AP4S1: variants seen among roughly 807,000 people sequenced by gnomAD.
The protein encoded by AP4S1 is adaptor related protein complex 4 subunit sigma 1.
Under a neutral mutation model 19.8 loss-of-function variants are expected in AP4S1, and 23 were observed. The observed-to-expected ratio is 1.16, with a 90% CI of 0.84 to 1.65. The LOEUF is 1.65. AP4S1 is among the 40% of genes most tolerant of loss of function. The probability of loss-of-function intolerance (pLI) is 0.00; values close to 1 mark genes in which losing one functional copy is unlikely to be tolerated. For missense variants in AP4S1, 166 were observed against 172.8 expected (o/e 0.96, Z 0.22); for synonymous variants, 46 against 54.1 (o/e 0.85, Z 0.66).
chr14:31,073,606 A>AT (rs893657912), intron 4 of AP4S1, among the ~76,000 whole-genome samples: 2 of 142,738 alleles, frequency 1.4e-5, no homozygotes, highest in Admixed American at 7.1e-5. Flanking sequence ...TTATTTATTT[A>AT]TTTTTTTATT....
At chr14:31,026,559 A>C in intron 1 of AP4S1, 1 of 180,030 alleles carries the variant, frequency 5.6e-6, no homozygotes. Flanking sequence ...CGCACTGAGA[A>C]CGCAGCCCGG....
chr14:31,052,439 C>T (rs1483695032), intron 1 of AP4S1, among the ~76,000 whole-genome samples: 1 of 151,890 alleles, frequency 6.6e-6, no homozygotes, highest in Non-Finnish European at 1.5e-5. Flanking sequence ...AAGGTAAAAT[C>T]ATTGGCCAAG....
At chr14:31,066,614 G>A (rs1317117031) in intron 2 of AP4S1, among the ~76,000 whole-genome samples, 5 of 152,106 alleles carry the variant, frequency 3.3e-5, no homozygotes, top group Admixed American at 6.6e-5. Flanking sequence ...ATTTCCTTCT[G>A]CTAATAGACA....
chr14:31,070,054 G>A (rs1248770749), intron 3 of AP4S1, 125 bp downstream of exon 3: 2 of 798,180 alleles, frequency 2.5e-6, no homozygotes, highest in Non-Finnish European at 4.3e-6. Flanking sequence ...GAGTGCCGTG[G>A]CATGATCTCA....
chr14:31,075,784 G>A (rs1200593836), intron 4 of AP4S1, among the ~76,000 whole-genome samples: 1 of 146,404 alleles, frequency 6.8e-6, no homozygotes, highest in Non-Finnish European at 1.5e-5. Flanking sequence ...TTGTTGCCCA[G>A]GCTGGAGTGC....
At chr14:31,035,345 C>T (rs935493275) in intron 1 of AP4S1, among the ~76,000 whole-genome samples, 1 of 150,844 alleles carries the variant, frequency 6.6e-6, no homozygotes, top group African/African-American at 2.4e-5. Context: ...CAAGCACACG[C>T]CGCCACACCC....
At chr14:31,033,603 A>G (rs1053337534) in intron 1 of AP4S1, among the ~76,000 whole-genome samples, 3 of 152,214 alleles carry the variant, frequency 2.0e-5, no homozygotes, top group African/African-American at 7.2e-5. Context: ...TCAGAAACCA[A>G]AGGAGCAAAA....
chr14:31,051,636 T>C lies in AP4S1; in HGVS notation c.-71-14490T>C, dbSNP rs1885802068. ...AACATTATTTATATACATTTCCCCA[T>C]TCTTTTACAGAGTTTGCGTATTCAA... On this transcript the variant is annotated intron_variant, in intron 1 of 5. Transcript: ENST00000542754. Among the ~76,000 whole-genome samples the C allele has an allele frequency of 2.0e-5, 3 of 152,242 alleles. No individual in the cohort carries two copies. The South Asian group carries it at 6.2e-4, about 31-fold the overall frequency.
At chr14:31,038,700 A>G (rs901805249) in intron 1 of AP4S1, among the ~76,000 whole-genome samples, 4 of 152,162 alleles carry the variant, frequency 2.6e-5, no homozygotes, top group African/African-American at 9.7e-5. Context: ...TTAAATTTTC[A>G]CATCTGTAAA....
At chr14:31,036,669 T>A (rs1004845064) in intron 1 of AP4S1, among the ~76,000 whole-genome samples, 2 of 152,182 alleles carry the variant, frequency 1.3e-5, no homozygotes, top group East Asian at 1.9e-4. Context: ...TCCCTTGCAG[T>A]CCTTGGCAAC....
At chr14:31,036,493 A>G (rs1431832168) in intron 1 of AP4S1, among the ~76,000 whole-genome samples, 1 of 152,226 alleles carries the variant, frequency 6.6e-6, no homozygotes, top group East Asian at 1.9e-4. Context: ...ATGTCTAGCT[A>G]TCTGAATTTT....
chr14:31,039,290 A>G (rs1884959484), intron 1 of AP4S1, among the ~76,000 whole-genome samples: 3 of 151,532 alleles, frequency 2.0e-5, no homozygotes, highest in Admixed American at 2.0e-4. Flanking sequence ...GGTTCATGCA[A>G]TTCTCCTGCC....
intron 1 of AP4S1, among the ~76,000 whole-genome samples, chr14:31,034,774 C>T (rs1347524788): frequency 4.0e-5 from 6 of 151,068 alleles, no homozygotes; most frequent in East Asian, 3.9e-4. Context: ...CCCGCCACCA[C>T]GACCAGCTAA....
chr14:31,025,690 G>T lies in AP4S1; in HGVS notation c.-169G>T. 2.8e-6 allele frequency: 2 copies of T among 716,338 alleles called. No homozygotes were observed. Among genetic ancestry groups the T allele is most frequent in the Non-Finnish European group, 4.4e-6 (2 of 454,322 alleles). The allele number at this position is 716,338 out of a possible 1,614,324, so 44.4% of individuals were successfully genotyped here. ...GCTGCCCCGAGGAGGCCCGCACCGCGTAGCCAGTGAAGGTTGGGGAGCAAG... is the reference window on the plus strand; with the variant it reads ...GCTGCCCCGAGGAGGCCCGCACCGCTTAGCCAGTGAAGGTTGGGGAGCAAG... On this transcript the variant is annotated 5_prime_UTR_variant, in exon 1 of 6. Coordinates refer to ENST00000542754, the MANE Select transcript of AP4S1 (RefSeq NM_001128126.3).
intron 2 of AP4S1, among the ~76,000 whole-genome samples, chr14:31,069,306 A>C (rs1383114735): frequency 2.0e-5 from 3 of 152,244 alleles, no homozygotes; most frequent in Admixed American, 1.3e-4. Context: ...ATCTGCCACA[A>C]AGAAGGCATC....
intron 4 of AP4S1, among the ~76,000 whole-genome samples, chr14:31,080,207 C>T (rs1336030506): frequency 6.6e-6 from 1 of 152,096 alleles, no homozygotes; most frequent in Non-Finnish European, 1.5e-5. Flanking sequence ...CTAATTTTTT[C>T]CTTAGGATAA....
chr14:31,045,101 T>C (rs1325390357), intron 1 of AP4S1, among the ~76,000 whole-genome samples: 1 of 151,898 alleles, frequency 6.6e-6, no homozygotes, highest in Non-Finnish European at 1.5e-5. Context: ...GGGGTTTCAC[T>C]ATGTTGGCCA....
rs1301666938 is a variant in AP4S1, at chr14:31,084,813, C to T, written c.306+4229C>T. 7.4e-6 allele frequency: 12 copies of T among 1,613,986 alleles called. No individual in the cohort carries two copies. The highest frequency in any genetic ancestry group is 8.5e-6 in the Non-Finnish European group (10 of 1,180,022). ...CCAAAATATGCTCAGCCCTGGAGCC[C>T]CAGCAGACTTGCTTTTCTCCAGACA... On this transcript the variant is annotated intron_variant, in intron 5 of 5. Coordinates refer to ENST00000542754, the MANE Select transcript of AP4S1 (RefSeq NM_001128126.3).
intron 5 of AP4S1, chr14:31,085,095 C>T (rs1248415351): frequency 8.0e-6 from 11 of 1,380,878 alleles, no homozygotes; most frequent in Admixed American, 3.0e-5. Context: ...GCCAGGGGCT[C>T]CTCGGGCCCT....
Sources: allele counts gnomAD v4.1 joint callset (sites outside exome capture counted in the v4.1 genomes callset), GRCh38; gene constraint gnomAD v4.1.1; transcripts MANE v1.5; gene names NCBI Gene and HGNC (gene_info 2026-07-23, HGNC 2026-07-21).